The following FAM184A variants were observed in gnomAD, a reference collection of about 807,000 sequenced individuals.
The protein encoded by FAM184A is family with sequence similarity 184 member A.
Under a neutral mutation model 143.8 loss-of-function variants are expected in FAM184A, and 99 were observed. That is an observed-to-expected ratio of 0.69 (90% CI 0.58 to 0.81). The LOEUF (loss-of-function observed/expected upper bound fraction) is 0.81, where lower values mean the gene tolerates loss of function less well. Ranked by LOEUF, FAM184A falls within the 40% of genes least tolerant of loss-of-function variation. The probability of loss-of-function intolerance (pLI) is 0.00; values close to 1 mark genes in which losing one functional copy is unlikely to be tolerated. For synonymous variants in FAM184A, 427 were observed against 446.4 expected (o/e 0.96, Z 0.55); for missense variants, 1,217 against 1,310.5 (o/e 0.93, Z 1.10).
intron 17 of FAM184A, among the ~76,000 whole-genome samples, chr6:118,961,121 A>G (rs1583753385): frequency 6.6e-6 from 1 of 152,118 alleles, no homozygotes; most frequent in Non-Finnish European, 1.5e-5. Context: ...ATAAAACAAC[A>G]GTACTTTCTG....
chr6:119,019,200 C>T (rs1160770151), intron 4 of FAM184A, among the ~76,000 whole-genome samples: 2 of 151,962 alleles, frequency 1.3e-5, no homozygotes, highest in Non-Finnish European at 2.9e-5. Flanking sequence ...GACTGTAAGG[C>T]CAAGGAGGTA....
intron 1 of FAM184A, among the ~76,000 whole-genome samples, chr6:119,143,962 A>G (rs762168917): frequency 2.0e-5 from 3 of 152,108 alleles, no homozygotes; most frequent in Non-Finnish European, 2.9e-5. Flanking sequence ...AGAGATGTGC[A>G]TGGGGCTTTT....
intron 5 of FAM184A, 47 bp from the exon 6 acceptor site, chr6:119,011,478 T>TA: frequency 8.3e-7 from 1 of 1,204,958 alleles, no homozygotes; most frequent in Non-Finnish European, 1.2e-6. Context: ...GCAAGTATTA[T>TA]ATACTTTGAA....
intron 6 of FAM184A, 58 bp downstream of exon 6, chr6:119,011,251 G>A: frequency 6.9e-7 from 1 of 1,452,684 alleles, no homozygotes; most frequent in Non-Finnish European, 9.5e-7. Flanking sequence ...AATGTCACCA[G>A]AATAAGTTAT....
intron 1 of FAM184A, among the ~76,000 whole-genome samples, chr6:119,039,613 G>A (rs1417038898): frequency 6.6e-6 from 1 of 152,248 alleles, no homozygotes; most frequent in Non-Finnish European, 1.5e-5. Flanking sequence ...GTTGCCAGGG[G>A]TTGAGGAGAG....
At chr6:119,102,784 CA>C (rs58686018) in intron 1 of FAM184A, among the ~76,000 whole-genome samples, 3,470 of 29,816 alleles carry the variant, frequency 0.12, 26 homozygotes, top group South Asian at 0.2. Context: ...GACTCCATCT[CA>C]AAAAAAAAAA....
At chr6:119,127,995 G>T (rs1789419566) in intron 1 of FAM184A, among the ~76,000 whole-genome samples, 1 of 152,192 alleles carries the variant, frequency 6.6e-6, no homozygotes, top group African/African-American at 2.4e-5. Context: ...AGATCCCAAA[G>T]AAACCTGAAA....
intron 1 of FAM184A, among the ~76,000 whole-genome samples, chr6:119,120,253 G>A (rs1420731894): frequency 6.6e-6 from 1 of 152,184 alleles, no homozygotes; most frequent in Non-Finnish European, 1.5e-5. Flanking sequence ...TTTGATAGAA[G>A]TGACATCATA....
intron 1 of FAM184A, among the ~76,000 whole-genome samples, chr6:119,084,546 C>T (rs1176937779): frequency 1.3e-5 from 2 of 152,224 alleles, no homozygotes; most frequent in Admixed American, 6.5e-5. Context: ...GCATCAAGTG[C>T]CTGTGGCATT....
rs199721442 is a variant in FAM184A at position 119,124,756 on chromosome 6, T to A, written c.-202+24322A>T. Among the ~76,000 whole-genome samples the A allele has an allele frequency of 1.3e-3, 3 of 2,302 alleles. No individual in the cohort carries two copies. In the South Asian group the frequency reaches 0.094, roughly 72 times the overall value. The allele number at this position is 2,302 out of a possible 152,430, so 1.5% of individuals were successfully genotyped here. ...AAGATCAAATAAACTATGGCCCTAA[T>A]TTTTTTTTTTTATATCTTTAAAGTA... On this transcript the variant is annotated intron_variant, in intron 1 of 16. Transcript: ENST00000352896.
chr6:119,053,003 T>C (rs543559806), intron 1 of FAM184A, among the ~76,000 whole-genome samples: 1 of 152,364 alleles, frequency 6.6e-6, no homozygotes, highest in South Asian at 2.1e-4. Context: ...ATTAAAATTC[T>C]GGTTGCACTG....
At chr6:118,998,936 C>T (rs963473636) in intron 9 of FAM184A, among the ~76,000 whole-genome samples, 12 of 152,198 alleles carry the variant, frequency 7.9e-5, no homozygotes, top group African/African-American at 2.9e-4. Context: ...TTAAGAGCAT[C>T]ACTTTGGCTG....
chr6:119,122,813 T>G (rs1461590860), intron 1 of FAM184A, among the ~76,000 whole-genome samples: 1 of 151,388 alleles, frequency 6.6e-6, no homozygotes, highest in Non-Finnish European at 1.5e-5. Context: ...GGGTCCCAGC[T>G]ACTCGGGAGG....
At chr6:119,121,963 A>T (rs1461814458) in intron 1 of FAM184A, among the ~76,000 whole-genome samples, 1 of 151,888 alleles carries the variant, frequency 6.6e-6, no homozygotes, top group East Asian at 1.9e-4. Flanking sequence ...TTTTATAGAG[A>T]TGCAGTTGTT....
At chr6:119,120,242 A>T (rs1789176310) in intron 1 of FAM184A, among the ~76,000 whole-genome samples, 1 of 152,228 alleles carries the variant, frequency 6.6e-6, no homozygotes, top group South Asian at 2.1e-4. Context: ...TGTGGTGGAC[A>T]TTTGATAGAA....
chr6:118,980,484 T>C, intron 9 of FAM184A, 134 bp from the exon 10 acceptor site: 1 of 637,724 alleles, frequency 1.6e-6, no homozygotes, highest in Admixed American at 2.9e-5. Context: ...ATTTAAAATA[T>C]TCTAAAATAT....
chr6:118,963,554 TGTAAA>T (rs1783399402), intron 16 of FAM184A: 1 of 152,078 alleles, frequency 6.6e-6, no homozygotes, highest in African/African-American at 2.4e-5. Flanking sequence ...CACTTTAACT[TGTAAA>T]GGAAGGATAG....
At chr6:118,983,929 A>G (rs1399116286) in intron 9 of FAM184A, among the ~76,000 whole-genome samples, 1 of 151,580 alleles carries the variant, frequency 6.6e-6, no homozygotes, top group African/African-American at 2.4e-5. Context: ...CGGGTGGATC[A>G]CCAGAGGTCA....
At chr6:119,126,758 T>C (rs1789378414) in intron 1 of FAM184A, among the ~76,000 whole-genome samples, 1 of 152,190 alleles carries the variant, frequency 6.6e-6, no homozygotes, top group Admixed American at 6.5e-5. Context: ...AGCTCTTGTC[T>C]GGCATCCAGG....
Sources: allele counts gnomAD v4.1 joint callset (sites outside exome capture counted in the v4.1 genomes callset), GRCh38; gene constraint gnomAD v4.1.1; transcripts MANE v1.5; gene names NCBI Gene and HGNC (gene_info 2026-07-23, HGNC 2026-07-21).